Variants in KDM5A observed in about 807,000 individuals in gnomAD.
KDM5A encodes lysine-specific demethylase 5A.
A neutral mutation model predicts 193.5 loss-of-function variants in KDM5A; 42 were observed. The observed-to-expected ratio is 0.22, with a 90% confidence interval of 0.17 to 0.28. The LOEUF (loss-of-function observed/expected upper bound fraction) is 0.28, where lower values mean the gene tolerates loss of function less well. Ranked by LOEUF, KDM5A falls within the 10% of genes least tolerant of loss-of-function variation. The pLI is 1.00. For synonymous variants in KDM5A, 796 were observed against 718.1 expected, an observed-to-expected ratio of 1.11 and a Z score of -1.73; for missense variants, 1,692 against 2,055.1, an observed-to-expected ratio of 0.82 and a Z score of 3.42.
chr12:378,167 T>C (rs558105584), intron 3 of KDM5A, among the ~76,000 whole-genome samples: 4 of 152,178 alleles, frequency 2.6e-5, no homozygotes, highest in Non-Finnish European at 4.4e-5. Flanking sequence ...TACTTGGAAA[T>C]ATGAAGATCA....
intron 10 of KDM5A, among the ~76,000 whole-genome samples, chr12:345,226 A>G (rs572605856): frequency 2.0e-5 from 3 of 152,336 alleles, no homozygotes; most frequent in African/African-American, 7.2e-5. Context: ...TAACTATCCT[A>G]AATATATATG....
At chr12:368,443 T>C (rs531229920) in intron 3 of KDM5A, among the ~76,000 whole-genome samples, 5 of 152,288 alleles carry the variant, frequency 3.3e-5, no homozygotes, top group African/African-American at 1.2e-4. Flanking sequence ...ACTAGTTATA[T>C]GACCTTGGCC....
Position 280,931 on chromosome 12 carries a change from T to A in KDM5A, c.*4525A>T. 1 of 233,056 alleles carries A rather than the reference T, an allele frequency of 4.3e-6. No homozygotes were observed. The highest frequency in any genetic ancestry group is 8.5e-6 in the Non-Finnish European group (1 of 117,894). 14.4% of individuals were successfully genotyped at this position (233,056 alleles called of 1,614,324 possible). ...TTATTTTATAGTTAGCAAATGAAAT[T>A]AGAAACTGCTTTGGCACAGGTCAAA... On this transcript the variant is annotated 3_prime_UTR_variant, in exon 28 of 28. Coordinates refer to ENST00000399788, the MANE Select transcript of KDM5A (RefSeq NM_001042603.3).
intron 10 of KDM5A, 97 bp from the exon 11 acceptor site, chr12:334,519 T>C: frequency 1.1e-6 from 1 of 882,736 alleles, no homozygotes; most frequent in Non-Finnish European, 1.8e-6. Flanking sequence ...TTTTATAATA[T>C]TTATAATAGT....
At position 352,139 on chromosome 12, in the gene KDM5A, T is replaced by C. The variant is rs544203309; in HGVS notation, c.1149+66A>G. 90 of 795,872 alleles carry C rather than the reference T, an allele frequency of 1.1e-4. No homozygotes were observed. In the African/African-American group the frequency reaches 1.2e-3, roughly 11 times the overall value. The allele number at this position is 795,872 out of a possible 1,614,324, so 49.3% of individuals were successfully genotyped here. A position where few individuals can be genotyped will look rare whatever the true frequency, so the allele number is the denominator to read the frequency against. On this transcript the variant is annotated intron_variant, in intron 9 of 27. Transcript: ENST00000399788. ...AAAAAAAAAAAAAAAAAGAGGAAAC[T>C]GAAGGCTTTGTACTCAGGTAAATCT...
At position 280,248 on chromosome 12, in the gene KDM5A, A is replaced by G. The variant is rs1310534830; in HGVS notation, c.*5208T>C. The G allele has an allele frequency of 4.3e-6, 1 of 232,850 alleles. No individual in the cohort carries two copies. Among genetic ancestry groups the G allele is most frequent in the Non-Finnish European group, 8.5e-6 (1 of 117,858 alleles). The allele number at this position is 232,850 out of a possible 1,614,324, so 14.4% of individuals were successfully genotyped here. On this transcript the variant is annotated 3_prime_UTR_variant, in exon 28 of 28. Transcript: ENST00000399788. ...TACAATGTTTCACCATGTTCCAATT[A>G]ATGGTTGAGCTTTAAATGAAAATAT...
At chr12:338,585 T>C (rs7301422) in intron 10 of KDM5A, among the ~76,000 whole-genome samples, 44,944 of 151,950 alleles carry the variant, frequency 0.3, 6,862 homozygotes, top group East Asian at 0.51. Context: ...CCTCCCTGAA[T>C]ATCACTGAAC....
chr12:292,521 C>A (rs1714644409), intron 27 of KDM5A, among the ~76,000 whole-genome samples: 1 of 152,202 alleles, frequency 6.6e-6, no homozygotes, highest in Non-Finnish European at 1.5e-5. Flanking sequence ...CACATAGCTT[C>A]TCTCTGCTCC....
intron 1 of KDM5A, among the ~76,000 whole-genome samples, chr12:386,889 C>T (rs1944643497): frequency 1.3e-5 from 2 of 150,584 alleles, no homozygotes; most frequent in Non-Finnish European, 3.0e-5. Context: ...ATCTAGTAAA[C>T]ATTCAGGTTT....
intron 6 of KDM5A, among the ~76,000 whole-genome samples, chr12:355,673 T>C (rs1944222329): frequency 1.3e-5 from 2 of 152,248 alleles, no homozygotes; most frequent in South Asian, 4.1e-4. Context: ...ATTATTACAA[T>C]GTATTTAGTA....
At chr12:346,473 T>C (rs921049917) in intron 10 of KDM5A, among the ~76,000 whole-genome samples, 8 of 152,140 alleles carry the variant, frequency 5.3e-5, no homozygotes, top group African/African-American at 1.7e-4. Context: ...AAGAGAATTT[T>C]AGACCAATAT....
intron 3 of KDM5A, among the ~76,000 whole-genome samples, chr12:370,080 A>C (rs1232375407): frequency 6.6e-6 from 1 of 152,228 alleles, no homozygotes; most frequent in East Asian, 1.9e-4. Context: ...AGATTCAAAG[A>C]TTATCATACA....
chr12:338,540 G>T (rs546195129), intron 10 of KDM5A, among the ~76,000 whole-genome samples: 1 of 152,210 alleles, frequency 6.6e-6, no homozygotes, highest in African/African-American at 2.4e-5. Context: ...GATTTTGTTT[G>T]AATTATTTCA....
intron 1 of KDM5A, chr12:388,397 T>C (rs1454657439): frequency 1.6e-5 from 7 of 430,318 alleles, no homozygotes; most frequent in Admixed American, 1.1e-4. Flanking sequence ...TTTAGAATTA[T>C]TGCTGCTCCT....
chr12:361,117 C>A (rs1209712003), intron 5 of KDM5A, among the ~76,000 whole-genome samples: 1 of 152,098 alleles, frequency 6.6e-6, no homozygotes, highest in Non-Finnish European at 1.5e-5. Flanking sequence ...AATTTCAAAT[C>A]CTGAAATAGT....
chr12:310,807 T>A, intron 21 of KDM5A, 78 bp downstream of exon 21: 1 of 1,451,680 alleles, frequency 6.9e-7, no homozygotes, highest in Admixed American at 1.7e-5. Context: ...GGTAATCAGA[T>A]AAACTGAAAA....
At chr12:297,312 A>G in intron 24 of KDM5A, 112 bp from the exon 25 acceptor site, 2 of 858,464 alleles carry the variant, frequency 2.3e-6, no homozygotes, top group South Asian at 1.5e-5. Flanking sequence ...TAAAAATATG[A>G]GATTAAAATT....
At chr12:350,816 CACTATA>C (rs1944147958) in intron 9 of KDM5A, 37 bp from the exon 10 acceptor site, 2 of 1,566,902 alleles carry the variant, frequency 1.3e-6, no homozygotes, top group African/African-American at 1.4e-5. Flanking sequence ...ATTATTAAAC[CACTATA>C]ACTATAACCC....
chr12:385,818 T>C, intron 2 of KDM5A, 79 bp downstream of exon 2: 2 of 1,027,454 alleles, frequency 1.9e-6, no homozygotes, highest in Admixed American at 1.7e-5. Flanking sequence ...CTGTGGTACA[T>C]GAGCTTCTCA....
Sources: gnomAD v4.1 joint callset for allele counts (sites outside exome capture counted in the v4.1 genomes callset) on GRCh38, gnomAD v4.1.1 for gene constraint, MANE v1.5 for transcripts, NCBI Gene and HGNC (gene_info 2026-07-23, HGNC 2026-07-21) for gene names.